The following CPLANE2 variants were observed in gnomAD, a reference collection of about 807,000 sequenced individuals.
CPLANE2 encodes ciliogenesis and planar polarity effector complex subunit 2.
Under a neutral mutation model 20.9 loss-of-function variants are expected in CPLANE2, and 24 were observed. The observed-to-expected ratio is 1.15, with a 90% CI of 0.83 to 1.61. The LOEUF is 1.61. Ranked by LOEUF, CPLANE2 falls within the 40% of genes most tolerant of loss-of-function variation. CPLANE2 has a pLI of 0.00. For missense variants in CPLANE2, 330 were observed against 355.1 expected, an observed-to-expected ratio of 0.93 and a Z score of 0.57; for synonymous variants, 132 against 144.3, an observed-to-expected ratio of 0.92 and a Z score of 0.61.
intron 2 of CPLANE2, 58 bp downstream of exon 2, chr1:16,233,554 T>C: frequency 6.3e-7 from 1 of 1,597,266 alleles, no homozygotes; most frequent in Non-Finnish European, 8.6e-7. Context: ...GCCAGGTTCT[T>C]GCCTCCACCC....
Position 16,232,556 on chromosome 1 carries a change from T to G in CPLANE2, c.481A>C (p.Ile161Leu). Residue 161 changes from isoleucine (I) to leucine (L), a missense_variant, in exon 4 of 5, where the codon ATA becomes CTA. By Grantham distance (5) the Ile-to-Leu change is conservative. Coordinates refer to ENST00000375599, the MANE Select transcript of CPLANE2 (RefSeq NM_030907.4). Reference protein sequence around the residue: ...FEDLPGQLARIAGEAPGVVRM... With the variant: ...FEDLPGQLARLAGEAPGVVRM... ...ACGACACCAGGGGCCTCACCTGCTA[T>G]GCGGGCCAGCTGTCCAGGGAGGTCT... The G allele has an allele frequency of 2.5e-6, 4 of 1,614,094 alleles. No homozygotes were observed. In the East Asian group the frequency reaches 6.7e-5, roughly 27 times the overall value.
In CPLANE2 at chr1:16,233,000, C is replaced by T; in HGVS notation, c.283G>A (p.Val95Ile). Residue 95 changes from valine (V) to isoleucine (I), a missense_variant, in exon 3 of 5, where the codon GTA becomes ATA. Coordinates refer to ENST00000375599, the MANE Select transcript of CPLANE2 (RefSeq NM_030907.4). ...HETTGIQTTVVFWPAKLQASS... is the reference protein window; with the variant it reads ...HETTGIQTTVIFWPAKLQASS... Reference sequence around the variant, plus strand: ...GCCTGCAGCTTGGCTGGCCAAAATACCACGGTGGTCTGGATGCCTGAGGGG... The same window carrying T: ...GCCTGCAGCTTGGCTGGCCAAAATATCACGGTGGTCTGGATGCCTGAGGGG... 6.2e-7 allele frequency: 1 copy of T among 1,614,138 alleles called. No individual in the cohort carries two copies. Among genetic ancestry groups the T allele is most frequent in the Non-Finnish European group, 8.5e-7 (1 of 1,180,020 alleles).
In CPLANE2 at chr1:16,231,903, G is replaced by A. The variant is rs112722264; in HGVS notation, c.*145C>T. On this transcript the variant is annotated 3_prime_UTR_variant, in exon 5 of 5. Coordinates refer to ENST00000375599, the MANE Select transcript of CPLANE2 (RefSeq NM_030907.4). ...GAATTCTGCAAGGAAAGCGCTGCTC[G>A]CGGGTGGGCCTTCTCTGGCCACATC... 4.5e-3 allele frequency: 5,347 copies of A among 1,186,022 alleles called. 175 individuals are homozygous for A. The African/African-American group carries it at 0.072, about 16-fold the overall frequency. 73.5% of individuals were successfully genotyped at this position (1,186,022 alleles called of 1,614,324 possible). A position where few individuals can be genotyped will look rare whatever the true frequency, so the allele number is the denominator to read the frequency against.
At chr1:16,233,526 A>C (rs1224074515) in intron 2 of CPLANE2, 86 bp downstream of exon 2, 7 of 1,490,630 alleles carry the variant, frequency 4.7e-6, no homozygotes, top group Admixed American at 1.8e-5. Context: ...AAGGCTACAG[A>C]GTAAGAGGTG....
At position 16,236,725 on chromosome 1, in the gene CPLANE2, C is replaced by T. The variant is rs779048524; in HGVS notation, c.18G>A (p.Val6=). 9 of 1,556,270 alleles carry T rather than the reference C, an allele frequency of 5.8e-6. 1 individual carries two copies. The Admixed American group carries it at 1.4e-4, about 23-fold the overall frequency. The change falls in exon 1 of 5, where the codon GTG becomes GTA. Residue 6 remains valine (V), a synonymous_variant. Coordinates refer to ENST00000375599, the MANE Select transcript of CPLANE2 (RefSeq NM_030907.4). Reference sequence around the variant, plus strand: ...AGTTTGGGACAACCACCGAACCGGGCACGGGAGGTCTGGCCATGGCTGGGC... The same window carrying T: ...AGTTTGGGACAACCACCGAACCGGGTACGGGAGGTCTGGCCATGGCTGGGC... MARPP[V]PGSVVVPNWH... is the part of the protein sequence containing the mutation.
chr1:16,231,990 C>T lies in CPLANE2; in HGVS notation c.*58G>A. The stretch of plus-strand genomic sequence containing the variant: ...AGGATCCATGTTCCTGCCCCAGCCT[C>T]CAGCCCTATGTCGAGACCTGAGGGT... On this transcript the variant is annotated 3_prime_UTR_variant, in exon 5 of 5. Transcript: ENST00000375599. 1 of 1,574,910 alleles carries T rather than the reference C, an allele frequency of 6.3e-7. No homozygotes were observed. The highest frequency in any genetic ancestry group is 8.6e-7 in the Non-Finnish European group (1 of 1,159,164).
In CPLANE2 at chr1:16,233,756, C is replaced by G; in HGVS notation, c.121G>C (p.Glu41Gln). ...ACAGGCGGCAGCAGCACTGGCCGCT[C>G]AAGCAGCCCTAGGGCAAAGAGAGAG... ...KNRRRVFGLL[E>Q]RPVLLPPVSI... Residue 41 changes from glutamate (E) to glutamine (Q), a missense_variant, in exon 2 of 5, where the codon GAG becomes CAG. Glu to Gln is a conservative substitution (Grantham distance 29). Coordinates refer to ENST00000375599, the MANE Select transcript of CPLANE2 (RefSeq NM_030907.4). 1.9e-6 allele frequency: 3 copies of G among 1,614,052 alleles called. No homozygotes were observed. The highest frequency in any genetic ancestry group is 2.5e-6 in the Non-Finnish European group (3 of 1,179,992).
chr1:16,236,937 G>T lies in CPLANE2; in HGVS notation c.-195C>A. 1 of 590,814 alleles carries T rather than the reference G, an allele frequency of 1.7e-6. No homozygotes were observed. Among genetic ancestry groups the T allele is most frequent in the Non-Finnish European group, 3.1e-6 (1 of 325,532 alleles). 36.6% of individuals were successfully genotyped at this position (590,814 alleles called of 1,614,324 possible). On this transcript the variant is annotated 5_prime_UTR_variant, in exon 1 of 5. Coordinates refer to ENST00000375599, the MANE Select transcript of CPLANE2 (RefSeq NM_030907.4). ...CCCTGGGGATAGTCATCCCATTACT[G>T]CCCATGGAGGGTATTCACACAGCCC...
At position 16,232,666 on chromosome 1, in the gene CPLANE2, T is replaced by C; in HGVS notation, c.391-20A>G. 1 of 1,613,432 alleles carries C rather than the reference T, an allele frequency of 6.2e-7. No homozygotes were observed. Among genetic ancestry groups the C allele is most frequent in the Non-Finnish European group, 8.5e-7 (1 of 1,179,720 alleles). ...GCAAGCCTGGTGATGGAGAGGCATA[T>C]AACCATGTCACCCCCCATCAGCTGC... On this transcript the variant is annotated intron_variant, in intron 3 of 4. Transcript: ENST00000375599.
rs777084832 is a variant in CPLANE2 at position 16,232,858 on chromosome 1, T to C, written c.390+35A>G. On this transcript the variant is annotated intron_variant, in intron 3 of 4. Coordinates refer to ENST00000375599, the MANE Select transcript of CPLANE2 (RefSeq NM_030907.4). ...AGCTCATTAATACCCAATCGGCCCC[T>C]GGCAGAACCCACCCAGGCCCACATG... 1.6e-5 allele frequency: 25 copies of C among 1,611,506 alleles called. No individual in the cohort carries two copies. In the South Asian group the frequency reaches 1.7e-4, roughly 11 times the overall value.
chr1:16,235,129 T>C (rs936672102), intron 1 of CPLANE2, among the ~76,000 whole-genome samples: 4 of 152,232 alleles, frequency 2.6e-5, no homozygotes, highest in African/African-American at 9.6e-5. Flanking sequence ...TACTAGCTGC[T>C]CTCAGCGTTT....
chr1:16,236,764 A>G lies in CPLANE2; in HGVS notation c.-22T>C. 2 of 1,518,380 alleles carry G rather than the reference A, an allele frequency of 1.3e-6. No homozygotes were observed. Among genetic ancestry groups the G allele is most frequent in the Non-Finnish European group, 1.8e-6 (2 of 1,117,598 alleles). The allele number at this position is 1,518,380 out of a possible 1,614,324, so 94.1% of individuals were successfully genotyped here. On this transcript the variant is annotated 5_prime_UTR_variant, in exon 1 of 5. Coordinates refer to ENST00000375599, the MANE Select transcript of CPLANE2 (RefSeq NM_030907.4). ...CCATGGCTGGGCACCGCGACGGGGTAGGGAGGTGACAGAATGCTGAGAGCA... is the reference window on the plus strand; with the variant it reads ...CCATGGCTGGGCACCGCGACGGGGTGGGGAGGTGACAGAATGCTGAGAGCA...
chr1:16,235,531 G>A (rs1168078025), intron 1 of CPLANE2, among the ~76,000 whole-genome samples: 1 of 152,144 alleles, frequency 6.6e-6, no homozygotes, highest in Non-Finnish European at 1.5e-5. Flanking sequence ...TTTTACAGAG[G>A]TGGGACTTGA....
rs1490528199 is a variant in CPLANE2, at chr1:16,232,188, C to A, written c.637G>T (p.Ala213Ser). The change falls in exon 5 of 5, where the codon GCT becomes TCT. Residue 213 changes from alanine to serine, a missense_variant. Ala to Ser is a moderately conservative substitution (Grantham distance 99). Coordinates refer to ENST00000375599, the MANE Select transcript of CPLANE2 (RefSeq NM_030907.4). ...CGCCCGTCCAGTGTGCGCCCATCAG[C>A]CAGCCGCCGCCCCGGCACACTCTTC... The part of the protein sequence containing the change: ...RVKSVPGRRL[A>S]DGRTLDGRAG... 2 of 1,612,922 alleles carry A rather than the reference C, an allele frequency of 1.2e-6. No individual in the cohort carries two copies. The highest frequency in any genetic ancestry group is 1.7e-6 in the Non-Finnish European group (2 of 1,179,870).
chr1:16,231,878 G>A lies in CPLANE2; in HGVS notation c.*170C>T, dbSNP rs2081421886. 1 of 970,004 alleles carries A rather than the reference G, an allele frequency of 1.0e-6. No individual in the cohort carries two copies. Among genetic ancestry groups the A allele is most frequent in the Non-Finnish European group, 1.5e-6 (1 of 668,506 alleles). 60.1% of individuals were successfully genotyped at this position (970,004 alleles called of 1,614,324 possible). Reference sequence around the variant, plus strand: ...GCCTTGGTCCCCACCTCCCTGCCATGAATTCTGCAAGGAAAGCGCTGCTCG... The same window carrying A: ...GCCTTGGTCCCCACCTCCCTGCCATAAATTCTGCAAGGAAAGCGCTGCTCG... On this transcript the variant is annotated 3_prime_UTR_variant, in exon 5 of 5. Coordinates refer to ENST00000375599, the MANE Select transcript of CPLANE2 (RefSeq NM_030907.4).
intron 2 of CPLANE2, 26 bp downstream of exon 2, chr1:16,233,586 G>A (rs2081441548): frequency 1.9e-6 from 3 of 1,612,170 alleles, no homozygotes; most frequent in Non-Finnish European, 1.7e-6. Context: ...CTCCCAGGAT[G>A]GGCAAAGGAT....
chr1:16,233,149 G>A lies in CPLANE2; in HGVS notation c.266-132C>T. ...TCCCTAGTTTGATGAGGGAGGCACA[G>A]TCCTTGACCCGGGATAATTCTCAGT... On this transcript the variant is annotated intron_variant, in intron 2 of 4. Coordinates refer to ENST00000375599, the MANE Select transcript of CPLANE2 (RefSeq NM_030907.4). 3 of 997,040 alleles carry A rather than the reference G, an allele frequency of 3.0e-6. 1 individual carries two copies. The highest frequency in any genetic ancestry group is 1.5e-6 in the Non-Finnish European group (1 of 671,330). 61.8% of individuals were successfully genotyped at this position (997,040 alleles called of 1,614,324 possible).
intron 3 of CPLANE2, 83 bp downstream of exon 3, chr1:16,232,810 T>C: frequency 6.3e-7 from 1 of 1,580,528 alleles, no homozygotes; most frequent in Non-Finnish European, 8.6e-7. Context: ...CAGTGCCAGC[T>C]CAGGTCTCTG....
At position 16,231,783 on chromosome 1, in the gene CPLANE2, C is replaced by T. The variant is rs1265804573; in HGVS notation, c.*265G>A. The T allele has an allele frequency of 1.8e-6, 1 of 557,190 alleles. No homozygotes were observed. Among genetic ancestry groups the T allele is most frequent in the African/African-American group, 1.9e-5 (1 of 53,270 alleles). The allele number at this position is 557,190 out of a possible 1,614,324, so 34.5% of individuals were successfully genotyped here. ...TTGATTGAAGTAACTTGAGAGGCAC[C>T]CCCTCTCCCAGTCATCCTCCATCGG... is the stretch of plus-strand genomic sequence containing the variant. On this transcript the variant is annotated 3_prime_UTR_variant, in exon 5 of 5. Transcript: ENST00000375599.
Sources: allele counts gnomAD v4.1 joint callset (sites outside exome capture counted in the v4.1 genomes callset), GRCh38; gene constraint gnomAD v4.1.1; transcripts MANE v1.5; gene names NCBI Gene and HGNC (gene_info 2026-07-23, HGNC 2026-07-21).